The following TNR variants were observed in gnomAD, a reference collection of about 807,000 sequenced individuals.
The protein encoded by TNR is tenascin-R.
A neutral mutation model predicts 150.4 loss-of-function variants in TNR; 45 were observed. The observed-to-expected ratio is 0.30, with a 90% confidence interval of 0.24 to 0.38. TNR has a LOEUF of 0.38. Among genes scored for constraint, TNR ranks in the 10% least tolerant of loss-of-function variants. TNR has a pLI of 1.00. For missense variants in TNR, 1,544 were observed against 1,759.1 expected, an observed-to-expected ratio of 0.88 and a Z score of 2.19; for synonymous variants, 687 against 678.4, an observed-to-expected ratio of 1.01 and a Z score of -0.20.
chr1:175,566,518 G>A (rs1207885969), intron 1 of TNR, among the ~76,000 whole-genome samples: 2 of 152,234 alleles, frequency 1.3e-5, no homozygotes, highest in African/African-American at 4.8e-5. Context: ...GAGCTATAGG[G>A]CCCCCAAGCC....
intron 1 of TNR, among the ~76,000 whole-genome samples, chr1:175,563,712 G>C (rs190775034): frequency 9.8e-5 from 15 of 152,332 alleles, no homozygotes; most frequent in Middle Eastern, 6.8e-3. Context: ...GGAGACTTCT[G>C]CTGGGAAAAC....
chr1:175,376,726 T>G (rs1200717062), intron 9 of TNR, among the ~76,000 whole-genome samples: 1 of 152,144 alleles, frequency 6.6e-6, no homozygotes, highest in Non-Finnish European at 1.5e-5. Context: ...AACTAGCATC[T>G]CAGCGAGTAC....
intron 1 of TNR, among the ~76,000 whole-genome samples, chr1:175,702,425 C>T (rs1666723472): frequency 6.6e-6 from 1 of 152,210 alleles, no homozygotes; most frequent in African/African-American, 2.4e-5. Context: ...CCATGAGCAC[C>T]TTCCAGCTTC....
chr1:175,734,124 A>T (rs1220007259), intron 1 of TNR, among the ~76,000 whole-genome samples: 1 of 152,138 alleles, frequency 6.6e-6, no homozygotes. Context: ...CCTCAGGCCA[A>T]ATAGGGCCTC....
intron 17 of TNR, 45 bp from the exon 18 acceptor site, chr1:175,354,568 C>T (rs551581628): frequency 6.2e-7 from 1 of 1,612,380 alleles, no homozygotes; most frequent in East Asian, 2.2e-5. Context: ...GAGCAACTGG[C>T]TTGCAATTTG....
chr1:175,613,141 C>T (rs1056829033), intron 1 of TNR, among the ~76,000 whole-genome samples: 1 of 152,140 alleles, frequency 6.6e-6, no homozygotes, highest in Admixed American at 6.5e-5. Context: ...TGCAGGGTCT[C>T]CTCTGGGTAT....
At chr1:175,496,305 C>G (rs1483508284) in intron 2 of TNR, among the ~76,000 whole-genome samples, 1 of 152,138 alleles carries the variant, frequency 6.6e-6, no homozygotes, top group African/African-American at 2.4e-5. Flanking sequence ...CCCAACTTCT[C>G]CTTGTTTTCC....
intron 1 of TNR, among the ~76,000 whole-genome samples, chr1:175,704,042 A>G (rs1326736272): frequency 6.6e-6 from 1 of 152,220 alleles, no homozygotes; most frequent in Non-Finnish European, 1.5e-5. Context: ...TATAATTAAA[A>G]TGTAGTGAAG....
chr1:175,372,153 G>T (rs572436717), intron 9 of TNR, among the ~76,000 whole-genome samples: 4 of 152,088 alleles, frequency 2.6e-5, no homozygotes, highest in Non-Finnish European at 4.4e-5. Flanking sequence ...CCGGCTTCCC[G>T]CATGATTGTA....
intron 1 of TNR, among the ~76,000 whole-genome samples, chr1:175,734,740 G>A (rs1667726757): frequency 6.6e-6 from 1 of 152,212 alleles, no homozygotes; most frequent in Admixed American, 6.5e-5. Context: ...TTTTTAAACA[G>A]CCCTCGCAGA....
intron 1 of TNR, among the ~76,000 whole-genome samples, chr1:175,605,202 C>G (rs748106627): frequency 9.2e-5 from 14 of 152,168 alleles, no homozygotes; most frequent in Non-Finnish European, 2.1e-4. Context: ...TCAGAAAGAC[C>G]TTGGTTTGAA....
chr1:175,631,429 C>T (rs1003871103), intron 1 of TNR, among the ~76,000 whole-genome samples: 1 of 152,194 alleles, frequency 6.6e-6, no homozygotes, highest in Non-Finnish European at 1.5e-5. Flanking sequence ...GTTTTGAATG[C>T]AGTCCAACCC....
intron 1 of TNR, among the ~76,000 whole-genome samples, chr1:175,728,091 A>T (rs1240799487): frequency 6.6e-6 from 1 of 152,226 alleles, no homozygotes; most frequent in East Asian, 1.9e-4. Flanking sequence ...AATTGGGTTT[A>T]ACCAGGTTGG....
chr1:175,555,082 GTGC>G (rs1661099246), intron 1 of TNR, among the ~76,000 whole-genome samples: 1 of 152,044 alleles, frequency 6.6e-6, no homozygotes, highest in Non-Finnish European at 1.5e-5. Flanking sequence ...ATAGTCCTAG[GTGC>G]TGCAAGCTCA....
intron 1 of TNR, among the ~76,000 whole-genome samples, chr1:175,612,777 A>G (rs1243429696): frequency 6.6e-6 from 1 of 152,180 alleles, no homozygotes; most frequent in Admixed American, 6.5e-5. Flanking sequence ...TGGGAATGTA[A>G]ACTCCTCCAA....
At chr1:175,325,344 C>A (rs1355989428) in intron 21 of TNR, among the ~76,000 whole-genome samples, 1 of 152,082 alleles carries the variant, frequency 6.6e-6, no homozygotes, top group African/African-American at 2.4e-5. Context: ...GTTAGAATGG[C>A]GATCATTAAA....
rs140129210 is a variant in TNR, at chr1:175,625,065, C to T, written c.-164-96696G>A. On this transcript the variant is annotated intron_variant, in intron 1 of 22. Coordinates refer to ENST00000367674, the MANE Select transcript of TNR (RefSeq NM_003285.3). ...TGGTGCTCCAGCACCAAGGAGCTAG[C>T]ATCCATTGCAGCTTAAGAACTCTAG... is the stretch of plus-strand genomic sequence containing the variant. Among the ~76,000 whole-genome samples the T allele has an allele frequency of 3.9e-5, 6 of 152,330 alleles. No homozygotes were observed. The East Asian group carries it at 1.2e-3, about 29-fold the overall frequency.
chr1:175,602,367 G>C (rs1260605983), intron 1 of TNR, among the ~76,000 whole-genome samples: 4 of 152,032 alleles, frequency 2.6e-5, no homozygotes, highest in Admixed American at 2.6e-4. Flanking sequence ...GATTCTATAG[G>C]CCTGAGTTGA....
intron 1 of TNR, among the ~76,000 whole-genome samples, chr1:175,550,731 A>C (rs191010651): frequency 6.6e-6 from 1 of 152,184 alleles, no homozygotes; most frequent in Non-Finnish European, 1.5e-5. Flanking sequence ...TATAGAAAAA[A>C]ATCAAAACAA....
Sources: allele counts gnomAD v4.1 joint callset (sites outside exome capture counted in the v4.1 genomes callset), GRCh38; gene constraint gnomAD v4.1.1; transcripts MANE v1.5; gene names NCBI Gene and HGNC (gene_info 2026-07-23, HGNC 2026-07-21).